Variants in PFKFB3 observed in about 807,000 individuals in gnomAD.
PFKFB3 encodes the protein 6-phosphofructo-2-kinase/fructose-2,6-bisphosphatase 3.
PFKFB3 carries 33 observed loss-of-function variants against 68.0 expected under a neutral mutation model. The observed-to-expected ratio is 0.49, with a 90% CI of 0.37 to 0.65. PFKFB3 has a LOEUF of 0.65. Ranked by LOEUF, PFKFB3 falls within the 30% of genes least tolerant of loss-of-function variation. PFKFB3 has a pLI of 0.00. For synonymous variants in PFKFB3, 315 were observed against 288.2 expected (o/e 1.09, Z -0.94); for missense variants, 586 against 712.2 (o/e 0.82, Z 2.02).
At chr10:6,177,004 G>A (rs955370193) in intron 1 of PFKFB3, among the ~76,000 whole-genome samples, 17 of 152,274 alleles carry the variant, frequency 1.1e-4, no homozygotes, top group Admixed American at 3.9e-4. Flanking sequence ...CTGACTTCCC[G>A]CTCCTGCCTG....
intron 1 of PFKFB3, among the ~76,000 whole-genome samples, chr10:6,176,799 G>A (rs933898520): frequency 2.0e-5 from 3 of 152,164 alleles, no homozygotes; most frequent in Admixed American, 1.3e-4. Flanking sequence ...AGCTGTCTCC[G>A]GTTCCACTTT....
chr10:6,164,547 A>T (rs958493046), intron 1 of PFKFB3, among the ~76,000 whole-genome samples: 5 of 152,170 alleles, frequency 3.3e-5, no homozygotes, highest in African/African-American at 1.2e-4. Flanking sequence ...AGATACTGAG[A>T]AAAGAAATAA....
intron 1 of PFKFB3, among the ~76,000 whole-genome samples, chr10:6,155,433 T>C (rs906467382): frequency 6.6e-6 from 1 of 152,078 alleles, no homozygotes; most frequent in Non-Finnish European, 1.5e-5. Flanking sequence ...CTCGATCTCC[T>C]GACCTCGTGA....
intron 5 of PFKFB3, 96 bp downstream of exon 5, chr10:6,216,876 T>C: frequency 1.2e-6 from 1 of 835,406 alleles, no homozygotes; most frequent in Non-Finnish European, 1.9e-6. Flanking sequence ...CCCCTCCTGC[T>C]GCCCATGTTC....
At chr10:6,297,433 G>A in the PFKFB3 span, among the ~76,000 whole-genome samples, 2 of 152,170 alleles carry the variant, frequency 1.3e-5, no homozygotes, top group Non-Finnish European at 2.9e-5. Flanking sequence ...AAGAGCAGGA[G>A]CAGGGCTGCT....
At position 6,228,140 on chromosome 10, in the gene PFKFB3, C is replaced by A; in HGVS notation, c.1515+1775C>A. The A allele has an allele frequency of 6.2e-7, 1 of 1,606,808 alleles. No individual in the cohort carries two copies. The highest frequency in any genetic ancestry group is 8.5e-7 in the Non-Finnish European group (1 of 1,174,516). ...GCGTGGGGTTTTTCAGGGCTTCGTCCCTGCAGATTGCGCCCTGCCTCCTGA... is the reference window on the plus strand; with the variant it reads ...GCGTGGGGTTTTTCAGGGCTTCGTCACTGCAGATTGCGCCCTGCCTCCTGA... On this transcript the variant is annotated intron_variant, in intron 14 of 14. Coordinates refer to ENST00000379775, the MANE Select transcript of PFKFB3 (RefSeq NM_004566.4). The surrounding 1 kb of genome is among the most constrained non-coding windows in gnomAD (Gnocchi z 4.5).
chr10:6,223,541 A>G (rs1845109632), intron 11 of PFKFB3, among the ~76,000 whole-genome samples: 1 of 152,206 alleles, frequency 6.6e-6, no homozygotes, highest in Admixed American at 6.5e-5. Context: ...GGCTGGGGAC[A>G]GATGCCCCTG....
chr10:6,222,717 C>T, intron 10 of PFKFB3, 138 bp from the exon 11 acceptor site: 1 of 929,360 alleles, frequency 1.1e-6, no homozygotes, highest in East Asian at 2.9e-5. Context: ...ACGTTAAACC[C>T]TGCTCCTTCT....
chr10:6,189,824 C>T (rs1435811110), intron 1 of PFKFB3, among the ~76,000 whole-genome samples: 2 of 151,642 alleles, frequency 1.3e-5, no homozygotes, highest in African/African-American at 4.8e-5. Context: ...TTGAGGGTAA[C>T]TTTATCACTT....
intron 1 of PFKFB3, among the ~76,000 whole-genome samples, chr10:6,167,856 TAGCC>T (rs1227813620): frequency 2.0e-5 from 3 of 152,244 alleles, no homozygotes; most frequent in African/African-American, 7.2e-5. Flanking sequence ...TCTATGGAGA[TAGCC>T]AGCCCAGCCC....
chr10:6,204,088 G>A (rs989774272), intron 1 of PFKFB3, among the ~76,000 whole-genome samples: 17 of 152,180 alleles, frequency 1.1e-4, no homozygotes, highest in African/African-American at 3.9e-4. Context: ...CCGGTGCTCG[G>A]AATTGGCTGG....
rs117678801 is a variant in PFKFB3, at chr10:6,159,811, C to T, written c.16+14798C>T. Reference sequence around the variant, plus strand: ...TTGAAACAGGGTCTCGGATTGTCACCTAGGCTGGAGTGCAGTGACTCACTG... The same window carrying T: ...TTGAAACAGGGTCTCGGATTGTCACTTAGGCTGGAGTGCAGTGACTCACTG... On this transcript the variant is annotated intron_variant, in intron 1 of 14. Transcript: ENST00000379789. Among the ~76,000 whole-genome samples the T allele has an allele frequency of 7.2e-3, 1,090 of 152,062 alleles. 13 individuals carry two copies. The highest frequency in any genetic ancestry group is 0.059 in the South Asian group (287 of 4,824).
intron 1 of PFKFB3, chr10:6,164,029 G>C (rs1295675434): frequency 6.6e-6 from 1 of 152,502 alleles, no homozygotes; most frequent in Non-Finnish European, 1.5e-5. Flanking sequence ...TGCGCGTCCC[G>C]GCGTTGGGTG....
intron 1 of PFKFB3, among the ~76,000 whole-genome samples, chr10:6,164,897 ATC>A (rs1376737523): frequency 6.6e-6 from 1 of 152,040 alleles, no homozygotes; most frequent in Non-Finnish European, 1.5e-5. Context: ...GTTTTCTCCT[ATC>A]TCAGAATAGA....
the PFKFB3 span, among the ~76,000 whole-genome samples, chr10:6,302,676 G>A: frequency 1.3e-5 from 2 of 151,514 alleles, no homozygotes; most frequent in African/African-American, 4.9e-5. Context: ...CACCGTGCCC[G>A]GCCCATACTT....
intron 1 of PFKFB3, among the ~76,000 whole-genome samples, chr10:6,205,968 A>G (rs1406382365): frequency 3.2e-5 from 2 of 62,772 alleles, no homozygotes; most frequent in East Asian, 6.5e-4. Context: ...CGGCTAATTA[A>G]AAAAAATTTT....
chr10:6,271,133 A>G, the PFKFB3 span, among the ~76,000 whole-genome samples: 3 of 152,226 alleles, frequency 2.0e-5, no homozygotes, highest in African/African-American at 2.4e-5. Flanking sequence ...TCTGGAACCT[A>G]GTTTCAAGTG....
the PFKFB3 span, among the ~76,000 whole-genome samples, chr10:6,290,632 G>A: frequency 6.6e-6 from 1 of 151,704 alleles, no homozygotes; most frequent in African/African-American, 2.4e-5. Context: ...CTGAGTAGCT[G>A]GGATTACAGG....
intron 10 of PFKFB3, among the ~76,000 whole-genome samples, chr10:6,222,274 C>T (rs1008349973): frequency 3.9e-5 from 6 of 152,240 alleles, no homozygotes; most frequent in African/African-American, 1.4e-4. Flanking sequence ...AGAGAGCCCA[C>T]AGGAGCAGGA....
Sources: allele counts gnomAD v4.1 joint callset (sites outside exome capture counted in the v4.1 genomes callset), GRCh38; gene constraint gnomAD v4.1.1; non-coding constraint Gnocchi (gnomAD v3.1); transcripts MANE v1.5; gene names NCBI Gene and HGNC (gene_info 2026-07-23, HGNC 2026-07-21).